Variants in ERBB4 observed in about 807,000 individuals in gnomAD.
The protein encoded by ERBB4 is erb-b2 receptor tyrosine kinase 4.
In ERBB4, 42 loss-of-function variants were observed where a neutral mutation model predicts 158.0. The ratio of observed to expected loss-of-function variants is 0.27; its 90% CI spans 0.21 to 0.34. The LOEUF (loss-of-function observed/expected upper bound fraction) is 0.34. Ranked by LOEUF, ERBB4 falls within the 10% of genes least tolerant of loss-of-function variation. The pLI, the probability that ERBB4 is intolerant of heterozygous loss-of-function variation, is 1.00. For missense variants in ERBB4, 1,333 were observed against 1,624.1 expected, an observed-to-expected ratio of 0.82 and a Z score of 3.08; for synonymous variants, 583 against 558.7, an observed-to-expected ratio of 1.04 and a Z score of -0.61.
At chr2:211,846,651 T>C (rs528043826) in intron 3 of ERBB4, among the ~76,000 whole-genome samples, 1 of 152,246 alleles carries the variant, frequency 6.6e-6, no homozygotes, top group Admixed American at 6.6e-5. Context: ...GGCTGCAGGA[T>C]CATTATCCTA....
chr2:211,782,650 A>G (rs1012189859), intron 4 of ERBB4, among the ~76,000 whole-genome samples: 2 of 152,208 alleles, frequency 1.3e-5, no homozygotes, highest in Non-Finnish European at 1.5e-5. Context: ...ATCAGAGAAG[A>G]TGGTGTAGTT....
intron 2 of ERBB4, among the ~76,000 whole-genome samples, chr2:211,999,031 C>G (rs1199877733): frequency 6.6e-6 from 1 of 151,282 alleles, no homozygotes; most frequent in East Asian, 1.9e-4. Flanking sequence ...TATTTTATTT[C>G]TTAGAATATT....
chr2:211,531,059 G>A (rs1194272566), intron 20 of ERBB4, among the ~76,000 whole-genome samples: 1 of 152,046 alleles, frequency 6.6e-6, no homozygotes, highest in African/African-American at 2.4e-5. Flanking sequence ...AACATACTTT[G>A]GGAAAACGAC....
intron 19 of ERBB4, among the ~76,000 whole-genome samples, chr2:211,586,066 T>C (rs1210608332): frequency 1.3e-5 from 2 of 152,284 alleles, no homozygotes; most frequent in Non-Finnish European, 2.9e-5. Context: ...TCAAATGTGA[T>C]GAAGTAGAGT....
At chr2:211,595,821 T>G (rs1273928261) in intron 19 of ERBB4, among the ~76,000 whole-genome samples, 3 of 152,222 alleles carry the variant, frequency 2.0e-5, no homozygotes, top group Non-Finnish European at 4.4e-5. Context: ...AGTTTTTGTA[T>G]ACGTGGGTTC....
intron 1 of ERBB4, among the ~76,000 whole-genome samples, chr2:212,518,887 G>C (rs188405247): frequency 1.5e-3 from 235 of 152,082 alleles, no homozygotes; most frequent in African/African-American, 5.4e-3. Context: ...GACCTGAATA[G>C]TTGCATGTCA....
intron 20 of ERBB4, among the ~76,000 whole-genome samples, chr2:211,553,381 A>C (rs1372674388): frequency 6.6e-6 from 1 of 152,166 alleles, no homozygotes; most frequent in Non-Finnish European, 1.5e-5. Flanking sequence ...CTTGTTCCAA[A>C]GGCAAAAAAT....
At chr2:211,804,579 T>C (rs551012357) in intron 3 of ERBB4, among the ~76,000 whole-genome samples, 3 of 152,208 alleles carry the variant, frequency 2.0e-5, no homozygotes, top group Non-Finnish European at 4.4e-5. Flanking sequence ...AGTCAACTAG[T>C]ATGCTCTCAG....
intron 1 of ERBB4, among the ~76,000 whole-genome samples, chr2:212,441,573 A>C (rs1166884685): frequency 2.0e-5 from 3 of 152,206 alleles, no homozygotes; most frequent in Non-Finnish European, 4.4e-5. Flanking sequence ...ACAGGCATAG[A>C]AATGGATATT....
chr2:212,325,267 C>T (rs1281747282), intron 1 of ERBB4, among the ~76,000 whole-genome samples: 2 of 150,358 alleles, frequency 1.3e-5, no homozygotes, highest in Admixed American at 6.6e-5. Flanking sequence ...GTCCATAAAA[C>T]GTAATTTGTA....
intron 1 of ERBB4, among the ~76,000 whole-genome samples, chr2:212,184,079 C>T (rs1289192505): frequency 6.6e-6 from 1 of 152,028 alleles, no homozygotes; most frequent in Non-Finnish European, 1.5e-5. Context: ...TGCCTTAGGT[C>T]ATTAGTTGGA....
chr2:211,395,148 G>A (rs988964936), intron 25 of ERBB4, among the ~76,000 whole-genome samples: 2 of 151,920 alleles, frequency 1.3e-5, no homozygotes, highest in African/African-American at 4.8e-5. Context: ...TCGACTCATC[G>A]CTTTTTCTTT....
At chr2:212,017,134 T>A (rs752165323) in intron 2 of ERBB4, among the ~76,000 whole-genome samples, 15 of 152,214 alleles carry the variant, frequency 9.9e-5, no homozygotes, top group Non-Finnish European at 1.5e-4. Context: ...CAGGTGTGGA[T>A]TTTGCTGCAC....
intron 20 of ERBB4, among the ~76,000 whole-genome samples, chr2:211,470,706 T>A (rs1207138277): frequency 3.9e-5 from 6 of 152,182 alleles, no homozygotes; most frequent in African/African-American, 1.4e-4. Context: ...CACCAGTGGA[T>A]CTTGTTACAA....
intron 1 of ERBB4, among the ~76,000 whole-genome samples, chr2:212,269,281 A>G (rs2106113008): frequency 6.6e-6 from 1 of 151,998 alleles, no homozygotes; most frequent in East Asian, 1.9e-4. Context: ...CATCCCCAGG[A>G]AGCTATATGC....
At chr2:211,446,380 C>T (rs920646582) in intron 20 of ERBB4, among the ~76,000 whole-genome samples, 1 of 152,126 alleles carries the variant, frequency 6.6e-6, no homozygotes, top group Non-Finnish European at 1.5e-5. Context: ...AAGATACTAG[C>T]AGGTAAGTGA....
At chr2:212,500,328 C>G (rs1286938904) in intron 1 of ERBB4, among the ~76,000 whole-genome samples, 1 of 152,006 alleles carries the variant, frequency 6.6e-6, no homozygotes, top group Non-Finnish European at 1.5e-5. Flanking sequence ...AAAACAAAAC[C>G]CACTCCAGAT....
At chr2:212,262,611 T>G (rs566282710) in intron 1 of ERBB4, among the ~76,000 whole-genome samples, 1 of 152,228 alleles carries the variant, frequency 6.6e-6, no homozygotes, top group South Asian at 2.1e-4. Flanking sequence ...AAATTTCGTC[T>G]CACAGTGGAT....
chr2:212,248,813 T>C (rs1171473899), intron 1 of ERBB4, among the ~76,000 whole-genome samples: 12 of 152,158 alleles, frequency 7.9e-5, no homozygotes, highest in Admixed American at 7.9e-4. Context: ...AACAGGTTTA[T>C]TGATACATGA....
Sources: gnomAD v4.1 joint callset for allele counts (sites outside exome capture counted in the v4.1 genomes callset) on GRCh38, gnomAD v4.1.1 for gene constraint, MANE v1.5 for transcripts, NCBI Gene and HGNC (gene_info 2026-07-23, HGNC 2026-07-21) for gene names.